The following PRTFDC1 variants were observed in gnomAD, a reference collection of about 807,000 sequenced individuals.
The protein encoded by PRTFDC1 is phosphoribosyltransferase domain-containing protein 1.
A neutral mutation model predicts 34.6 loss-of-function variants in PRTFDC1; 38 were observed. The observed-to-expected ratio is 1.10, with a 90% CI of 0.85 to 1.44. The LOEUF (loss-of-function observed/expected upper bound fraction) is 1.44. Ranked by LOEUF, PRTFDC1 falls within the 40% of genes most tolerant of loss-of-function variation. The probability of loss-of-function intolerance (pLI) is 0.00; values close to 1 mark genes in which losing one functional copy is unlikely to be tolerated. For synonymous variants in PRTFDC1, 93 were observed against 98.1 expected (o/e 0.95, Z 0.31); for missense variants, 270 against 283.0 (o/e 0.95, Z 0.33).
chr10:24,893,210 A>AAAGTTTCT (rs1320602790), intron 3 of PRTFDC1, among the ~76,000 whole-genome samples: 10 of 152,350 alleles, frequency 6.6e-5, no homozygotes, highest in East Asian at 1.9e-4. Flanking sequence ...TAATAATTAG[A>AAAGTTTCT]TAGGCATGTA....
intron 3 of PRTFDC1, among the ~76,000 whole-genome samples, chr10:24,891,891 T>C (rs1052782546): frequency 4.6e-5 from 7 of 152,364 alleles, no homozygotes; most frequent in South Asian, 2.1e-4. Context: ...CTCAGCTTAC[T>C]GTCCTGCTAG....
intron 1 of PRTFDC1, among the ~76,000 whole-genome samples, chr10:24,948,185 A>G (rs1049444378): frequency 1.3e-5 from 2 of 152,202 alleles, no homozygotes; most frequent in African/African-American, 4.8e-5. Context: ...AAACACAACA[A>G]TCATTTCTGA....
At chr10:24,905,438 C>T (rs756827812) in intron 3 of PRTFDC1, among the ~76,000 whole-genome samples, 28 of 150,698 alleles carry the variant, frequency 1.9e-4, no homozygotes, top group Non-Finnish European at 3.1e-4. Context: ...TCTTCTGCCT[C>T]AGTCTCCCGA....
At chr10:24,859,352 C>A (rs909256835) in intron 4 of PRTFDC1, among the ~76,000 whole-genome samples, 1 of 152,174 alleles carries the variant, frequency 6.6e-6, no homozygotes, top group East Asian at 1.9e-4. Context: ...CTCCGCTTCC[C>A]GGGTTCAATC....
At chr10:24,881,264 C>A (rs1443320480) in intron 3 of PRTFDC1, among the ~76,000 whole-genome samples, 1 of 151,844 alleles carries the variant, frequency 6.6e-6, no homozygotes, top group East Asian at 1.9e-4. Flanking sequence ...GAGATGGGGT[C>A]TTACTATGTT....
At chr10:24,866,981 T>C (rs1420508202) in intron 4 of PRTFDC1, among the ~76,000 whole-genome samples, 2 of 138,878 alleles carry the variant, frequency 1.4e-5, no homozygotes, top group African/African-American at 5.4e-5. Context: ...AATGTTTTAT[T>C]TAAAAAAAAG....
rs568775333 is a variant in PRTFDC1 at position 24,882,884 on chromosome 10, G to A, written c.340-10821C>T. On this transcript the variant is annotated intron_variant, in intron 3 of 8. Coordinates refer to ENST00000320152, the MANE Select transcript of PRTFDC1 (RefSeq NM_020200.7). ...AAAGGCCATGTGAATTCTGAACACC[G>A]AAAATATAAAAATATGAATTCTTGA... Among the ~76,000 whole-genome samples the A allele has an allele frequency of 1.4e-4, 21 of 151,292 alleles. No homozygotes were observed. The South Asian group carries it at 2.3e-3, about 17-fold the overall frequency.
At chr10:24,930,761 C>A (rs139146610) in intron 3 of PRTFDC1, among the ~76,000 whole-genome samples, 104 of 152,136 alleles carry the variant, frequency 6.8e-4, no homozygotes, top group African/African-American at 2.4e-3. Context: ...AATAAGGCTG[C>A]CTGTTTCTTA....
In PRTFDC1 at chr10:24,863,235, C is replaced by T. The variant is rs1235688420; in HGVS notation, c.406-4826G>A. On this transcript the variant is annotated intron_variant, in intron 4 of 8. Transcript: ENST00000320152. Reference sequence around the variant, plus strand: ...TGGTGACTTTAAGTTGAAGTCAATGCTCACTTACCATTCCAAAAATGCTAG... The same window carrying T: ...TGGTGACTTTAAGTTGAAGTCAATGTTCACTTACCATTCCAAAAATGCTAG... Among the ~76,000 whole-genome samples, 5 of 152,244 alleles carry T rather than the reference C, an allele frequency of 3.3e-5. No homozygotes were observed. In the East Asian group the frequency reaches 5.8e-4, roughly 18 times the overall value.
chr10:24,902,054 C>T (rs1848458240), intron 3 of PRTFDC1, among the ~76,000 whole-genome samples: 2 of 152,156 alleles, frequency 1.3e-5, no homozygotes. Flanking sequence ...GTGACGATCC[C>T]TGCACAGCTG....
chr10:24,853,319 G>GA lies in PRTFDC1; in HGVS notation c.554-1856dup, dbSNP rs966048303. On this transcript the variant is annotated intron_variant, in intron 7 of 8. Coordinates refer to ENST00000320152, the MANE Select transcript of PRTFDC1 (RefSeq NM_020200.7). ...ACAAAGTGAGATCCCATCTCAAAAA[G>GA]AAAAAAAAAAGGTAAGGTGCAGTGG... Among the ~76,000 whole-genome samples the GA allele has an allele frequency of 9.6e-5, 14 of 145,196 alleles. No homozygotes were observed. The East Asian group carries it at 1.0e-3, about 10-fold the overall frequency.
intron 4 of PRTFDC1, among the ~76,000 whole-genome samples, chr10:24,863,941 C>G (rs1847729714): frequency 6.7e-6 from 1 of 148,878 alleles, no homozygotes; most frequent in Non-Finnish European, 1.5e-5. Context: ...ATCACCTGAG[C>G]CTGGGGAGGT....
chr10:24,924,121 C>T (rs6482462), intron 3 of PRTFDC1, among the ~76,000 whole-genome samples: 49,127 of 151,908 alleles, frequency 0.32, 9,344 homozygotes, highest in African/African-American at 0.53. Flanking sequence ...TGAAAAGAAA[C>T]GAACACAGTC....
chr10:24,925,195 C>T (rs1194870441), intron 3 of PRTFDC1, among the ~76,000 whole-genome samples: 2 of 152,176 alleles, frequency 1.3e-5, no homozygotes, highest in African/African-American at 4.8e-5. Flanking sequence ...TGGAAACCAT[C>T]ATTTTTAGCA....
intron 3 of PRTFDC1, among the ~76,000 whole-genome samples, chr10:24,879,291 G>A (rs57024130): frequency 0.12 from 18,537 of 151,972 alleles, 1,422 homozygotes; most frequent in South Asian, 0.22. Context: ...TGAAGCTCTC[G>A]CACTGTCCCT....
chr10:24,882,232 A>G (rs1848091215), intron 3 of PRTFDC1, among the ~76,000 whole-genome samples: 1 of 151,856 alleles, frequency 6.6e-6, no homozygotes, highest in South Asian at 2.1e-4. Context: ...AAAGAAAAGA[A>G]AAAGAGAAAG....
intron 3 of PRTFDC1, among the ~76,000 whole-genome samples, chr10:24,928,415 T>C (rs1381308344): frequency 6.6e-6 from 1 of 152,112 alleles, no homozygotes; most frequent in East Asian, 1.9e-4. Flanking sequence ...AACACAGATT[T>C]CCTGTCTCAG....
intron 3 of PRTFDC1, among the ~76,000 whole-genome samples, chr10:24,896,962 T>C (rs75134611): frequency 0.12 from 17,672 of 152,132 alleles, 1,263 homozygotes; most frequent in East Asian, 0.29. Flanking sequence ...GTGGTCCCAG[T>C]TACTCAGAAG....
At chr10:24,889,331 T>A (rs1183410280) in intron 3 of PRTFDC1, among the ~76,000 whole-genome samples, 1 of 152,032 alleles carries the variant, frequency 6.6e-6, no homozygotes, top group Non-Finnish European at 1.5e-5. Flanking sequence ...ATCTGGGAAT[T>A]CCCAGACTCT....
Sources: gnomAD v4.1 joint callset for allele counts (sites outside exome capture counted in the v4.1 genomes callset) on GRCh38, gnomAD v4.1.1 for gene constraint, MANE v1.5 for transcripts, NCBI Gene and HGNC (gene_info 2026-07-23, HGNC 2026-07-21) for gene names.